Variants in MINK1 observed in about 807,000 individuals in gnomAD.
MINK1 encodes misshapen like kinase 1, also known as misshapen-like kinase 1.
Under a neutral mutation model 178.4 loss-of-function variants are expected in MINK1, and 46 were observed. The observed-to-expected ratio is 0.26, with a 90% CI of 0.20 to 0.33. The LOEUF (loss-of-function observed/expected upper bound fraction) is 0.33, where lower values mean the gene tolerates loss of function less well. MINK1 is among the 10% of genes least tolerant of loss of function. The pLI, the probability that MINK1 is intolerant of heterozygous loss-of-function variation, is 1.00. For missense variants in MINK1, 1,366 were observed against 1,814.9 expected (o/e 0.75, Z 4.49); for synonymous variants, 797 against 709.7 (o/e 1.12, Z -1.96).
At chr17:4,888,629 T>C (rs1443573494) in intron 12 of MINK1, among the ~76,000 whole-genome samples, 1 of 150,054 alleles carries the variant, frequency 6.7e-6, no homozygotes, top group African/African-American at 2.4e-5. Context: ...AGACTCCGTC[T>C]CCAAAAAATA....
intron 1 of MINK1, among the ~76,000 whole-genome samples, chr17:4,873,238 G>T (rs1966881397): frequency 6.6e-6 from 1 of 152,210 alleles, no homozygotes; most frequent in African/African-American, 2.4e-5. Flanking sequence ...ACGAATGTCT[G>T]TAAATTGTAT....
At chr17:4,840,618 T>G (rs1384176065) in intron 1 of MINK1, among the ~76,000 whole-genome samples, 4 of 152,022 alleles carry the variant, frequency 2.6e-5, no homozygotes, top group African/African-American at 9.7e-5. Flanking sequence ...CTCACGGAAA[T>G]AAGAACAAGT....
intron 20 of MINK1, 177 bp from the exon 21 acceptor site, chr17:4,893,257 G>T (rs1454677142): frequency 1.9e-6 from 3 of 1,610,960 alleles, no homozygotes; most frequent in East Asian, 2.2e-5. Context: ...CTCTCTTCTG[G>T]CTCTTTCTTC....
In MINK1 at chr17:4,851,462, C is replaced by T. The variant is rs569729582; in HGVS notation, c.57+17822C>T. On this transcript the variant is annotated intron_variant, in intron 1 of 31. Coordinates refer to ENST00000355280, the MANE Select transcript of MINK1 (RefSeq NM_153827.5). ...CTAAGAAAGCCTACCCCTGAGTTAC[C>T]CTCTTCCATCTTAGAGCCTTCCTGC... Among the ~76,000 whole-genome samples, 3 of 152,234 alleles carry T rather than the reference C, an allele frequency of 2.0e-5. No homozygotes were observed. The South Asian group carries it at 6.2e-4, about 32-fold the overall frequency.
intron 1 of MINK1, among the ~76,000 whole-genome samples, chr17:4,850,387 G>A (rs1408034898): frequency 6.6e-6 from 1 of 151,898 alleles, no homozygotes; most frequent in East Asian, 1.9e-4. Flanking sequence ...TCTCACCTGC[G>A]TCTCTTCAGC....
chr17:4,864,454 T>C (rs1914637080), intron 1 of MINK1, among the ~76,000 whole-genome samples: 1 of 151,744 alleles, frequency 6.6e-6, no homozygotes, highest in Non-Finnish European at 1.5e-5. Context: ...CCGGGCCTGG[T>C]GGCTCATGCC....
At chr17:4,878,246 T>G in intron 1 of MINK1, 71 bp from the exon 2 acceptor site, 1 of 1,400,260 alleles carries the variant, frequency 7.1e-7, no homozygotes, top group South Asian at 1.2e-5. Context: ...TGGATACCAC[T>G]TTACCCCCCT....
At chr17:4,884,120 G>T (rs1005495853) in intron 4 of MINK1, among the ~76,000 whole-genome samples, 6 of 150,222 alleles carry the variant, frequency 4.0e-5, no homozygotes, top group African/African-American at 1.5e-4. Context: ...GCCTGCCTCA[G>T]CCTCCCAAAG....
Position 4,887,198 on chromosome 17 carries a change from G to T in MINK1, c.1019+19G>T. The T allele has an allele frequency of 6.3e-7, 1 of 1,590,130 alleles. No homozygotes were observed. On this transcript the variant is annotated intron_variant, in intron 11 of 31. Coordinates refer to ENST00000355280, the MANE Select transcript of MINK1 (RefSeq NM_153827.5). This position sits in a 1 kb window ranked among gnomAD's most constrained non-coding sequence, Gnocchi z 7.6. Reference sequence around the variant, plus strand: ...AGCCAAGGTAGGCCTGGCAGGTGGAGTGGGGGTTGGGGCGGTCATCGCTGA... The same window carrying T: ...AGCCAAGGTAGGCCTGGCAGGTGGATTGGGGGTTGGGGCGGTCATCGCTGA...
intron 1 of MINK1, among the ~76,000 whole-genome samples, chr17:4,874,289 G>T (rs920203500): frequency 3.9e-5 from 6 of 152,214 alleles, no homozygotes; most frequent in African/African-American, 7.2e-5. Flanking sequence ...TGCCTTACAG[G>T]TTTTCCCTGC....
chr17:4,856,394 A>G (rs978839843), intron 1 of MINK1, among the ~76,000 whole-genome samples: 1 of 151,524 alleles, frequency 6.6e-6, no homozygotes, highest in African/African-American at 2.4e-5. Context: ...TCTCCAGCTC[A>G]CACACCCACT....
At chr17:4,844,863 A>G (rs1910782348) in intron 1 of MINK1, among the ~76,000 whole-genome samples, 1 of 152,132 alleles carries the variant, frequency 6.6e-6, no homozygotes, top group Non-Finnish European at 1.5e-5. Flanking sequence ...GATTAAGTAT[A>G]TGTAAGACTT....
In MINK1 at chr17:4,893,560, G is replaced by A. The variant is rs368947159; in HGVS notation, c.2527G>A (p.Gly843Arg). 43 of 1,582,660 alleles carry A rather than the reference G, an allele frequency of 2.7e-5. No homozygotes were observed. The highest frequency in any genetic ancestry group is 1.4e-4 in the East Asian group (6 of 44,270). The change falls in exon 21 of 32, where the codon GGG (glycine) becomes AGG (arginine). Residue 843 changes from glycine to arginine, a missense_variant. Coordinates refer to ENST00000355280, the MANE Select transcript of MINK1 (RefSeq NM_153827.5). ...GGACGACGAGGAGGAAGGCGAAGGCGGGCCAGCAGAGGGGAGCAGAGATAC... is the reference window on the plus strand; with the variant it reads ...GGACGACGAGGAGGAAGGCGAAGGCAGGCCAGCAGAGGGGAGCAGAGATAC... ...SEDDEEEGEG[G>R]PAEGSRDTPG...
In MINK1 at chr17:4,891,902, G is replaced by A. The variant is rs915599140; in HGVS notation, c.2001+186G>A. Among the ~76,000 whole-genome samples the A allele has an allele frequency of 4.6e-5, 7 of 152,306 alleles. No homozygotes were observed. In the South Asian group the frequency reaches 8.3e-4, roughly 18 times the overall value. ...ACGTGGAGGGGTGGCATCGATCCCT[G>A]TGGGGAGCGTGGGAACGGAGAAACG... is the stretch of plus-strand genomic sequence containing the variant. On this transcript the variant is annotated intron_variant, in intron 16 of 31. Transcript: ENST00000355280.
At chr17:4,834,674 A>C in intron 1 of MINK1, 1 of 487,648 alleles carries the variant, frequency 2.1e-6, no homozygotes, top group Non-Finnish European at 4.1e-6. Context: ...TAGTGATTTC[A>C]AGGTGAACAC....
At position 4,885,798 on chromosome 17, in the gene MINK1, C is replaced by T. The variant is rs1168551166; in HGVS notation, c.640-113C>T. Reference sequence around the variant, plus strand: ...TGGGATGGGTTGGAAGGCACTGCTGCAGGAATGGGTGTGGCCCAGGAAGGC... The same window carrying T: ...TGGGATGGGTTGGAAGGCACTGCTGTAGGAATGGGTGTGGCCCAGGAAGGC... On this transcript the variant is annotated intron_variant, in intron 7 of 31. Transcript: ENST00000355280. This position sits in a 1 kb window ranked among gnomAD's most constrained non-coding sequence, Gnocchi z 5.0. The T allele has an allele frequency of 2.8e-6, 4 of 1,417,480 alleles. No homozygotes were observed. The highest frequency in any genetic ancestry group is 4.8e-5 in the East Asian group (2 of 41,878). 87.8% of individuals were successfully genotyped at this position (1,417,480 alleles called of 1,614,324 possible). A position where few individuals can be genotyped will look rare whatever the true frequency, so the allele number is the denominator to read the frequency against.
intron 1 of MINK1, among the ~76,000 whole-genome samples, chr17:4,837,267 C>G (rs910409023): frequency 1.3e-5 from 2 of 152,114 alleles, no homozygotes; most frequent in African/African-American, 4.8e-5. Context: ...ATCCCCAGTG[C>G]CTGTAAGCAT....
chr17:4,841,343 A>G (rs1015262832), intron 1 of MINK1, among the ~76,000 whole-genome samples: 1 of 152,114 alleles, frequency 6.6e-6, no homozygotes, highest in African/African-American at 2.4e-5. Flanking sequence ...TCCAGGAACC[A>G]CCTGGGGATG....
chr17:4,847,730 G>C (rs918401259), intron 1 of MINK1, among the ~76,000 whole-genome samples: 14 of 152,266 alleles, frequency 9.2e-5, no homozygotes, highest in East Asian at 3.9e-4. Flanking sequence ...TGACAGAAAC[G>C]GGGGGTGCCA....
Sources: allele counts gnomAD v4.1 joint callset (sites outside exome capture counted in the v4.1 genomes callset), GRCh38; gene constraint gnomAD v4.1.1; non-coding constraint Gnocchi (gnomAD v3.1); transcripts MANE v1.5; gene names NCBI Gene and HGNC (gene_info 2026-07-23, HGNC 2026-07-21).